Variants in ZNF398 observed in about 807,000 individuals in gnomAD.
The protein encoded by ZNF398 is zinc finger DNA binding protein ZER6.
A neutral mutation model predicts 41.9 loss-of-function variants in ZNF398; 18 were observed. The ratio of observed to expected loss-of-function variants is 0.43; its 90% confidence interval spans 0.30 to 0.64. The LOEUF (loss-of-function observed/expected upper bound fraction) is 0.64, where lower values mean the gene tolerates loss of function less well. ZNF398 is among the 30% of genes least tolerant of loss of function. The pLI, the probability that ZNF398 is intolerant of heterozygous loss-of-function variation, is 0.14. For missense variants in ZNF398, 669 were observed against 822.8 expected (o/e 0.81, Z 2.29); for synonymous variants, 260 against 308.8 (o/e 0.84, Z 1.66).
upstream of ZNF398, among the ~76,000 whole-genome samples, chr7:149,142,988 G>A (rs1826859756): frequency 6.6e-6 from 1 of 152,088 alleles, no homozygotes. Flanking sequence ...TTATTTTATT[G>A]ATCGATGATT....
chr7:149,169,710 C>T (rs1251129488), intron 4 of ZNF398, among the ~76,000 whole-genome samples: 1 of 152,112 alleles, frequency 6.6e-6, no homozygotes, highest in Non-Finnish European at 1.5e-5. Context: ...CTTCGGCCTT[C>T]CAAGGTGCTA....
intron 2 of ZNF398, among the ~76,000 whole-genome samples, chr7:149,131,466 T>G (rs1356089352): frequency 6.6e-6 from 1 of 152,154 alleles, no homozygotes; most frequent in Non-Finnish European, 1.5e-5. Flanking sequence ...GGCTGATGGA[T>G]CACGAGATCA....
At chr7:149,141,208 A>AT (rs1227003358) in intron 2 of ZNF398, among the ~76,000 whole-genome samples, 1 of 151,988 alleles carries the variant, frequency 6.6e-6, no homozygotes, top group East Asian at 1.9e-4. Context: ...ATGATTAAAA[A>AT]TTTTTTTAAA....
At chr7:149,167,768 G>A (rs1479374457) in intron 4 of ZNF398, among the ~76,000 whole-genome samples, 2 of 150,554 alleles carry the variant, frequency 1.3e-5, no homozygotes, top group Non-Finnish European at 3.0e-5. Context: ...CCGCCACCAC[G>A]TCCGGATAAT....
chr7:149,137,391 T>C (rs1826736965), intron 2 of ZNF398, among the ~76,000 whole-genome samples: 1 of 152,132 alleles, frequency 6.6e-6, no homozygotes, highest in South Asian at 2.1e-4. Context: ...AACTGCATAC[T>C]TTTCTTTTAA....
At chr7:149,167,832 T>C (rs13232581) in intron 4 of ZNF398, among the ~76,000 whole-genome samples, 81,688 of 151,660 alleles carry the variant, frequency 0.54, 25,515 homozygotes, top group East Asian at 0.9. Flanking sequence ...AGGATGGTCT[T>C]GATCTCCTGA....
At chr7:149,159,069 C>T (rs1795044665) in intron 2 of ZNF398, among the ~76,000 whole-genome samples, 1 of 149,924 alleles carries the variant, frequency 6.7e-6, no homozygotes, top group Non-Finnish European at 1.5e-5. Flanking sequence ...ACTTCCACTT[C>T]CCGGGGTCAA....
chr7:149,169,894 C>T (rs979016232), intron 4 of ZNF398, among the ~76,000 whole-genome samples: 1 of 152,128 alleles, frequency 6.6e-6, no homozygotes, highest in Admixed American at 6.6e-5. Flanking sequence ...TAGAATGATA[C>T]AAAGTAATAT....
chr7:149,179,935 C>A lies in ZNF398; in HGVS notation c.*134C>A, dbSNP rs1563168493. On this transcript the variant is annotated 3_prime_UTR_variant, in exon 6 of 6. Coordinates refer to ENST00000475153, the MANE Select transcript of ZNF398 (RefSeq NM_170686.3). The surrounding 1 kb of genome is among the most constrained non-coding windows in gnomAD (Gnocchi z 6.1). ...ATCAATGAATTTGGGGTCCTATACA[C>A]TTGACTAGAGACATGCTTGTGTTTT... 1.3e-6 allele frequency: 1 copy of A among 769,782 alleles called. No individual in the cohort carries two copies. The highest frequency in any genetic ancestry group is 1.9e-6 in the Non-Finnish European group (1 of 524,530). The allele number at this position is 769,782 out of a possible 1,614,324, so 47.7% of individuals were successfully genotyped here.
At chr7:149,167,156 T>A (rs1409639176) in intron 4 of ZNF398, among the ~76,000 whole-genome samples, 1 of 152,240 alleles carries the variant, frequency 6.6e-6, no homozygotes, top group Non-Finnish European at 1.5e-5. Context: ...TTGCATTTCC[T>A]GACAGAAGTA....
At chr7:149,143,860 A>G (rs1388828055), upstream of ZNF398, among the ~76,000 whole-genome samples, 1 of 152,192 alleles carries the variant, frequency 6.6e-6, no homozygotes, top group East Asian at 1.9e-4. Context: ...AAATTGTTTC[A>G]TAGTCACATT....
At chr7:149,136,226 C>T (rs776199902) in intron 2 of ZNF398, among the ~76,000 whole-genome samples, 5 of 151,952 alleles carry the variant, frequency 3.3e-5, no homozygotes, top group Non-Finnish European at 5.9e-5. Flanking sequence ...TTGGGGAGGG[C>T]GTAAAAATCA....
At chr7:149,158,421 G>A (rs1405611196) in intron 2 of ZNF398, among the ~76,000 whole-genome samples, 1 of 152,180 alleles carries the variant, frequency 6.6e-6, no homozygotes, top group Non-Finnish European at 1.5e-5. Context: ...GTGAAGTGGG[G>A]TGGAGATGAG....
chr7:149,133,489 C>CTGGCATTCTAA (rs773211878), intron 2 of ZNF398, among the ~76,000 whole-genome samples: 45 of 151,412 alleles, frequency 3.0e-4, no homozygotes, highest in Non-Finnish European at 5.7e-4. Flanking sequence ...CCTTAACCAT[C>CTGGCATTCTAA]TGGGAATGCA....
intron 2 of ZNF398, among the ~76,000 whole-genome samples, chr7:149,134,273 G>A (rs922405579): frequency 1.3e-5 from 2 of 151,268 alleles, no homozygotes; most frequent in Admixed American, 6.6e-5. Context: ...TAGTAGAGAC[G>A]GGGTTTCACC....
intron 1 of ZNF398, among the ~76,000 whole-genome samples, chr7:149,128,552 G>T (rs150255547): frequency 1.3e-3 from 191 of 152,022 alleles, no homozygotes; most frequent in African/African-American, 4.4e-3. Context: ...TTGAAGACCA[G>T]CCTGGGCAAC....
Position 149,180,979 on chromosome 7 carries a change from T to C in ZNF398, c.*1178T>C, listed in dbSNP as rs1252792516. The C allele has an allele frequency of 6.6e-6, 1 of 152,590 alleles. No homozygotes were observed. Among genetic ancestry groups the C allele is most frequent in the Non-Finnish European group, 1.5e-5 (1 of 68,036 alleles). 9.5% of individuals were successfully genotyped at this position (152,590 alleles called of 1,614,324 possible). A position where few individuals can be genotyped will look rare whatever the true frequency, so the allele number is the denominator to read the frequency against. On this transcript the variant is annotated 3_prime_UTR_variant, in exon 6 of 6. Transcript: ENST00000475153. Reference sequence around the variant, plus strand: ...GCTAAGCACCATGCATAGACAACAGTTTGTTCTTGCCTGTGTTGCTTTTAG... The same window carrying C: ...GCTAAGCACCATGCATAGACAACAGCTTGTTCTTGCCTGTGTTGCTTTTAG...
chr7:149,165,528 A>G (rs1795209891), intron 2 of ZNF398, among the ~76,000 whole-genome samples: 1 of 152,228 alleles, frequency 6.6e-6, no homozygotes, highest in Non-Finnish European at 1.5e-5. Context: ...TTTTAAATAG[A>G]CAAAATGTTC....
chr7:149,158,727 G>A (rs1266607036), intron 2 of ZNF398, among the ~76,000 whole-genome samples: 33 of 151,478 alleles, frequency 2.2e-4, no homozygotes, highest in Non-Finnish European at 1.9e-4. Context: ...CCAGCTACTC[G>A]GGAGGCTGAG....
Sources: allele counts gnomAD v4.1 joint callset (sites outside exome capture counted in the v4.1 genomes callset), GRCh38; gene constraint gnomAD v4.1.1; non-coding constraint Gnocchi (gnomAD v3.1); transcripts MANE v1.5; gene names NCBI Gene and HGNC (gene_info 2026-07-23, HGNC 2026-07-21).